NFIB: variants seen among roughly 807,000 people sequenced by gnomAD.
NFIB encodes nuclear factor 1 B-type.
NFIB carries 11 observed loss-of-function variants against 61.5 expected under a neutral mutation model. The ratio of observed to expected loss-of-function variants is 0.18; its 90% CI spans 0.11 to 0.30. The LOEUF is 0.30. NFIB is among the 10% of genes least tolerant of loss of function. The pLI, the probability that NFIB is intolerant of heterozygous loss-of-function variation, is 1.00. For synonymous variants in NFIB, 260 were observed against 216.5 expected, an observed-to-expected ratio of 1.20 and a Z score of -1.76; for missense variants, 471 against 608.9, an observed-to-expected ratio of 0.77 and a Z score of 2.38.
At chr9:14,372,131 G>T (rs2061365238) in intron 1 of NFIB, among the ~76,000 whole-genome samples, 1 of 151,514 alleles carries the variant, frequency 6.6e-6, no homozygotes, top group South Asian at 2.1e-4. Context: ...TCAAAGTGGA[G>T]ATAGATATTT....
intron 2 of NFIB, among the ~76,000 whole-genome samples, chr9:14,191,335 A>C (rs945069067): frequency 6.6e-5 from 10 of 152,300 alleles, no homozygotes; most frequent in African/African-American, 2.4e-4. Flanking sequence ...CTTGAAAAAA[A>C]TAAACAAAAA....
At chr9:14,095,517 A>G (rs577644616) in intron 10 of NFIB, among the ~76,000 whole-genome samples, 1 of 152,240 alleles carries the variant, frequency 6.6e-6, no homozygotes, top group East Asian at 1.9e-4. Flanking sequence ...GCTATTGTTA[A>G]AAGTGGTACT....
At chr9:14,282,749 C>A (rs1021102786) in intron 2 of NFIB, among the ~76,000 whole-genome samples, 6 of 152,228 alleles carry the variant, frequency 3.9e-5, no homozygotes, top group Non-Finnish European at 8.8e-5. Context: ...AGCTACCAGA[C>A]TAATGAGTTT....
At chr9:14,524,209 CA>C in the NFIB span, among the ~76,000 whole-genome samples, 1 of 152,096 alleles carries the variant, frequency 6.6e-6, no homozygotes, top group Non-Finnish European at 1.5e-5. Context: ...CACACTTGAG[CA>C]ACTAAATAAT....
At position 14,393,157 on chromosome 9, in the gene NFIB, T is replaced by C. The variant is rs537578549; in HGVS notation, c.108+5367A>G. Among the ~76,000 whole-genome samples the C allele has an allele frequency of 1.1e-3, 166 of 146,652 alleles. 1 individual carries two copies. The highest frequency in any genetic ancestry group is 3.5e-3 in the African/African-American group (141 of 39,810). ...TCTGTGTAGAGCTCGGTAATGTTCCTTCTAATAACTTTCTTCCAATCGTGT... is the reference window on the plus strand; with the variant it reads ...TCTGTGTAGAGCTCGGTAATGTTCCCTCTAATAACTTTCTTCCAATCGTGT... On this transcript the variant is annotated intron_variant, in intron 1 of 8. Transcript: ENST00000380934.
At chr9:14,165,022 C>G (rs902811141) in intron 3 of NFIB, among the ~76,000 whole-genome samples, 4 of 152,130 alleles carry the variant, frequency 2.6e-5, no homozygotes, top group Non-Finnish European at 5.9e-5. Context: ...GGCTCTACCC[C>G]AGACCCTCAG....
At chr9:14,210,883 C>T (rs1163836535) in intron 2 of NFIB, among the ~76,000 whole-genome samples, 3 of 152,022 alleles carry the variant, frequency 2.0e-5, no homozygotes, top group Admixed American at 1.3e-4. Context: ...TCAAAATAGC[C>T]GCATCTCTTG....
At chr9:14,274,873 T>C (rs2057887487) in intron 2 of NFIB, among the ~76,000 whole-genome samples, 2 of 152,194 alleles carry the variant, frequency 1.3e-5, no homozygotes, top group Admixed American at 1.3e-4. Flanking sequence ...GGAGTTCTGT[T>C]TGCCAGTTAG....
At chr9:14,141,099 T>A (rs148693772) in intron 6 of NFIB, among the ~76,000 whole-genome samples, 5 of 152,278 alleles carry the variant, frequency 3.3e-5, no homozygotes, top group African/African-American at 9.6e-5. Flanking sequence ...TAATACTATA[T>A]CCTTATAGAA....
chr9:14,326,313 A>C (rs1041096242), intron 1 of NFIB, among the ~76,000 whole-genome samples: 2 of 152,248 alleles, frequency 1.3e-5, no homozygotes, highest in Non-Finnish European at 2.9e-5. Flanking sequence ...ATCATAAAGA[A>C]TTATATTTGT....
At chr9:14,472,808 T>A in the NFIB span, among the ~76,000 whole-genome samples, 2 of 151,722 alleles carry the variant, frequency 1.3e-5, no homozygotes, top group Non-Finnish European at 1.5e-5. Flanking sequence ...GCCAACGCAC[T>A]GCAGCCTGGG....
At chr9:14,500,017 G>C in the NFIB span, among the ~76,000 whole-genome samples, 1 of 152,124 alleles carries the variant, frequency 6.6e-6, no homozygotes, top group South Asian at 2.1e-4. Flanking sequence ...GTCGGAGAGC[G>C]GGCACTCAAT....
At chr9:14,220,536 C>A (rs985408470) in intron 2 of NFIB, among the ~76,000 whole-genome samples, 2 of 152,148 alleles carry the variant, frequency 1.3e-5, no homozygotes, top group Non-Finnish European at 1.5e-5. Context: ...AGGAGCCCCG[C>A]CTGGGAGCCC....
chr9:14,228,399 T>C (rs1247892122), intron 2 of NFIB, among the ~76,000 whole-genome samples: 1 of 152,040 alleles, frequency 6.6e-6, no homozygotes, highest in Non-Finnish European at 1.5e-5. Context: ...TTTCACCACG[T>C]TGGCCAGGCT....
At chr9:14,289,111 T>C (rs1043634381) in intron 2 of NFIB, among the ~76,000 whole-genome samples, 1 of 146,654 alleles carries the variant, frequency 6.8e-6, no homozygotes, top group East Asian at 2.0e-4. Context: ...TGTGTATGTG[T>C]GTGTGTATAT....
At position 14,350,276 on chromosome 9, in the gene NFIB, T is replaced by C. The variant is rs552633440; in HGVS notation, c.109-42756A>G. ...AGCACAGAGGCATTTTAACAAGTGG[T>C]TAGGCATTCAGGGCAGCCTGCGAAA... On this transcript the variant is annotated intron_variant, in intron 1 of 8. Transcript: ENST00000380934. Among the ~76,000 whole-genome samples the C allele has an allele frequency of 5.3e-5, 8 of 152,278 alleles. No individual in the cohort carries two copies. The East Asian group carries it at 1.5e-3, about 29-fold the overall frequency.
In NFIB at chr9:14,274,861, G is replaced by A. The variant is rs549287580; in HGVS notation, c.562+32128C>T. Among the ~76,000 whole-genome samples, 31 of 152,304 alleles carry A rather than the reference G, an allele frequency of 2.0e-4. No individual in the cohort carries two copies. In the South Asian group the frequency reaches 6.0e-3, roughly 30 times the overall value. On this transcript the variant is annotated intron_variant, in intron 2 of 10. Transcript: ENST00000380953. Reference sequence around the variant, plus strand: ...TTGTTTCAGAACCAGAGAAGAGGTGGTGGAGTTCTGTTTGCCAGTTAGCTA... The same window carrying A: ...TTGTTTCAGAACCAGAGAAGAGGTGATGGAGTTCTGTTTGCCAGTTAGCTA...
At chr9:14,201,897 TTA>T (rs1554671317) in intron 2 of NFIB, among the ~76,000 whole-genome samples, 1 of 104,972 alleles carries the variant, frequency 9.5e-6, no homozygotes, top group African/African-American at 3.5e-5. Flanking sequence ...ATCCATTCGT[TTA>T]TTTTTTTGAA....
chr9:14,354,770 A>T (rs2061155210), intron 1 of NFIB, among the ~76,000 whole-genome samples: 1 of 144,890 alleles, frequency 6.9e-6, no homozygotes, highest in African/African-American at 2.6e-5. Context: ...ATCTCTATGT[A>T]ATGGGTACTC....
Sources: allele counts gnomAD v4.1 joint callset (sites outside exome capture counted in the v4.1 genomes callset), GRCh38; gene constraint gnomAD v4.1.1; transcripts MANE v1.5; gene names NCBI Gene and HGNC (gene_info 2026-07-23, HGNC 2026-07-21).